SRGAP3: variants seen among roughly 807,000 people sequenced by gnomAD.
SRGAP3 encodes SLIT-ROBO Rho GTPase activating protein 3, also known as SLIT-ROBO Rho GTPase-activating protein 3.
Under a neutral mutation model 121.1 loss-of-function variants are expected in SRGAP3, and 39 were observed. The ratio of observed to expected loss-of-function variants is 0.32; its 90% CI spans 0.25 to 0.42. The LOEUF is 0.42. SRGAP3 is among the 10% of genes least tolerant of loss of function. SRGAP3 has a pLI of 1.00. For missense variants in SRGAP3, 1,213 were observed against 1,470.6 expected (o/e 0.82, Z 2.86); for synonymous variants, 601 against 570.0 (o/e 1.05, Z -0.77).
intron 3 of SRGAP3, among the ~76,000 whole-genome samples, chr3:9,087,480 C>T (rs997806216): frequency 3.9e-5 from 6 of 152,136 alleles, no homozygotes; most frequent in Admixed American, 6.6e-5. Flanking sequence ...GCGGAAAGGG[C>T]CATACAAGAG....
intron 1 of SRGAP3, among the ~76,000 whole-genome samples, chr3:9,170,917 C>T (rs1312165966): frequency 3.9e-5 from 6 of 152,234 alleles, no homozygotes; most frequent in Admixed American, 3.9e-4. Context: ...TGTCCTCACG[C>T]TCCAGCCTGC....
At chr3:9,243,259 G>A (rs1356041121) in intron 1 of SRGAP3, among the ~76,000 whole-genome samples, 10 of 152,162 alleles carry the variant, frequency 6.6e-5, no homozygotes, top group Admixed American at 5.9e-4. Flanking sequence ...AGGCAAATAG[G>A]AGTGGGAGGC....
chr3:9,008,945 C>T (rs559970000), intron 18 of SRGAP3, among the ~76,000 whole-genome samples: 1 of 152,258 alleles, frequency 6.6e-6, no homozygotes, highest in East Asian at 1.9e-4. Context: ...CCTGGAATTG[C>T]CAGAGACCAC....
chr3:9,096,648 C>T (rs1167642880), intron 3 of SRGAP3, among the ~76,000 whole-genome samples: 1 of 151,700 alleles, frequency 6.6e-6, no homozygotes, highest in Non-Finnish European at 1.5e-5. Context: ...GGATGAAGGT[C>T]CTAGCCAAGA....
chr3:9,041,957 T>C (rs1574963260), intron 10 of SRGAP3, among the ~76,000 whole-genome samples: 1 of 151,900 alleles, frequency 6.6e-6, no homozygotes, highest in Admixed American at 6.6e-5. Context: ...AAAAATCAGC[T>C]GGGCGTGGTG....
intron 3 of SRGAP3, among the ~76,000 whole-genome samples, chr3:9,258,061 T>A (rs1954173565): frequency 6.6e-6 from 1 of 152,212 alleles, no homozygotes; most frequent in Non-Finnish European, 1.5e-5. Context: ...TGCACAATCA[T>A]GAACTGGACA....
chr3:9,359,555 A>T (rs1267660795), intron 1 of SRGAP3, among the ~76,000 whole-genome samples: 1 of 152,210 alleles, frequency 6.6e-6, no homozygotes, highest in Non-Finnish European at 1.5e-5. Flanking sequence ...AGGTCTGTCT[A>T]TTCAGATGCC....
At chr3:9,298,396 T>C (rs1193389056) in intron 3 of SRGAP3, among the ~76,000 whole-genome samples, 1 of 152,160 alleles carries the variant, frequency 6.6e-6, no homozygotes, top group Admixed American at 6.5e-5. Flanking sequence ...ACTTCATAAT[T>C]CATCATCATG....
At position 9,262,534 on chromosome 3, in the gene SRGAP3, C is replaced by CAAAAAAAAAAAA. The variant is rs765408588; in HGVS notation, n.442+63464_442+63475dup. Among the ~76,000 whole-genome samples, 16 of 25,566 alleles carry CAAAAAAAAAAAA rather than the reference C, an allele frequency of 6.3e-4. 1 individual carries two copies. The highest frequency in any genetic ancestry group is 1.2e-3 in the Admixed American group (2 of 1,652). The allele number at this position is 25,566 out of a possible 152,430, so 16.8% of individuals were successfully genotyped here. A position where few individuals can be genotyped will look rare whatever the true frequency, so the allele number is the denominator to read the frequency against. On this transcript the variant is annotated intron_variant and non_coding_transcript_variant, in intron 3 of 3. Transcript: ENST00000490889. ...GAAGATTTACCAAGCAAATGGAAAGCAAAAAAAAAAAAAAAAAAAAAAGCA... is the reference window on the plus strand; with the variant it reads ...GAAGATTTACCAAGCAAATGGAAAGCAAAAAAAAAAAAAAAAAAAAAAAAAAAAAAAAAAGCA...
At chr3:9,139,099 T>C (rs1949763685) in intron 1 of SRGAP3, among the ~76,000 whole-genome samples, 1 of 152,334 alleles carries the variant, frequency 6.6e-6, no homozygotes, top group East Asian at 1.9e-4. Context: ...AACCCTTTTG[T>C]CCATAGTTCT....
At position 9,018,617 on chromosome 3, in the gene SRGAP3, C is replaced by T. The variant is rs913894643; in HGVS notation, c.1679-2886G>A. Among the ~76,000 whole-genome samples, 10 of 152,068 alleles carry T rather than the reference C, an allele frequency of 6.6e-5. 1 individual carries two copies. The highest frequency in any genetic ancestry group is 2.4e-4 in the African/African-American group (10 of 41,388). ...TGTATACTTCAAAAAATGGGTGAAC[C>T]TTATGGTGTGCAACTCAATAAAGCT... On this transcript the variant is annotated intron_variant, in intron 14 of 21. Transcript: ENST00000383836.
intron 2 of SRGAP3, among the ~76,000 whole-genome samples, chr3:9,111,365 A>G (rs1415268577): frequency 8.5e-5 from 13 of 152,228 alleles, no homozygotes; most frequent in Admixed American, 8.5e-4. Flanking sequence ...CGCTAGTGAA[A>G]GGGGCTGGGC....
upstream of SRGAP3, among the ~76,000 whole-genome samples, chr3:9,251,072 T>C (rs767991847): frequency 1.2e-4 from 19 of 152,210 alleles, no homozygotes; most frequent in African/African-American, 4.1e-4. Flanking sequence ...AGGTTATCCA[T>C]GCTAGTCCAT....
intron 1 of SRGAP3, among the ~76,000 whole-genome samples, chr3:9,175,657 C>T (rs947487857): frequency 1.3e-5 from 2 of 152,222 alleles, no homozygotes; most frequent in Admixed American, 6.5e-5. Flanking sequence ...CCTAGCACCA[C>T]GCCTGGTACA....
intron 1 of SRGAP3, among the ~76,000 whole-genome samples, chr3:9,186,747 G>T (rs1300970903): frequency 6.6e-6 from 1 of 152,068 alleles, no homozygotes; most frequent in Non-Finnish European, 1.5e-5. Flanking sequence ...GGTCTAAGGT[G>T]GATGTTTATT....
At chr3:9,045,108 A>T (rs892625387) in intron 10 of SRGAP3, among the ~76,000 whole-genome samples, 1 of 151,234 alleles carries the variant, frequency 6.6e-6, no homozygotes, top group Non-Finnish European at 1.5e-5. Context: ...AGGACAAACT[A>T]GATGTGGAGT....
At chr3:9,302,819 A>AC (rs1392384798) in intron 3 of SRGAP3, among the ~76,000 whole-genome samples, 1 of 152,132 alleles carries the variant, frequency 6.6e-6, no homozygotes, top group African/African-American at 2.4e-5. Flanking sequence ...TCTCCCGGGT[A>AC]CAAGGGGGAG....
intron 3 of SRGAP3, among the ~76,000 whole-genome samples, chr3:9,091,176 C>T (rs1341167693): frequency 1.3e-5 from 2 of 152,064 alleles, no homozygotes; most frequent in Non-Finnish European, 2.9e-5. Context: ...AGGAGTAAGA[C>T]AGGTGGCCTT....
At chr3:9,010,595 A>G (rs1045400696) in intron 17 of SRGAP3, among the ~76,000 whole-genome samples, 1 of 151,708 alleles carries the variant, frequency 6.6e-6, no homozygotes. Flanking sequence ...AGCTTCCCAA[A>G]TATCTCCCCC....
Sources: gnomAD v4.1 joint callset for allele counts (sites outside exome capture counted in the v4.1 genomes callset) on GRCh38, gnomAD v4.1.1 for gene constraint, MANE v1.5 for transcripts, NCBI Gene and HGNC (gene_info 2026-07-23, HGNC 2026-07-21) for gene names.